HSD3B1: variants seen among roughly 807,000 people sequenced by gnomAD.
HSD3B1 encodes the protein hydroxy-delta-5-steroid dehydrogenase, 3 beta- and steroid delta-isomerase 1, also known as 3 beta-hydroxysteroid dehydrogenase/Delta 5-->4-isomerase type 1.
In HSD3B1, 11 loss-of-function variants were observed where a neutral mutation model predicts 10.4. That is an observed-to-expected ratio of 1.05 (90% CI 0.66 to 1.75). The LOEUF (loss-of-function observed/expected upper bound fraction) is 1.75. Ranked by LOEUF, HSD3B1 falls within the 40% of genes most tolerant of loss-of-function variation. HSD3B1 has a pLI of 0.00. For synonymous variants in HSD3B1, 217 were observed against 185.4 expected, an observed-to-expected ratio of 1.17 and a Z score of -1.39; for missense variants, 490 against 454.5, an observed-to-expected ratio of 1.08 and a Z score of -0.71.
intron 3 of HSD3B1, among the ~76,000 whole-genome samples, chr1:119,512,497 C>G (rs587653652): frequency 1.3e-5 from 2 of 152,104 alleles, no homozygotes; most frequent in Non-Finnish European, 2.9e-5. Context: ...GCACCCCAAA[C>G]CCCGGCCTGG....
At chr1:119,511,474 T>C in intron 2 of HSD3B1, 29 bp from the exon 3 acceptor site, 1 of 1,612,556 alleles carries the variant, frequency 6.2e-7, no homozygotes, top group Admixed American at 1.7e-5. Flanking sequence ...ACAGAAATCA[T>C]TCCAATGACC....
chr1:119,507,712 A>C, intron 2 of HSD3B1, 91 bp downstream of exon 2: 1 of 1,359,828 alleles, frequency 7.4e-7, no homozygotes, highest in South Asian at 1.2e-5. Flanking sequence ...AGTTATTGAA[A>C]TTTGTAGCCA....
At position 119,514,091 on chromosome 1, in the gene HSD3B1, A is replaced by G. The variant is rs376256220; in HGVS notation, c.568A>G (p.Ile190Val). Residue 190 changes from isoleucine to valine, a missense_variant, in exon 4 of 4, where the codon ATC (isoleucine) becomes GTC (valine). Transcript: ENST00000369413. ...LYTCALRPMY[I>V]YGEGSRFLSA... ...CACTTGTGCCTTACGACCCATGTATATCTATGGGGAAGGAAGCCGATTCCT... is the reference window on the plus strand; with the variant it reads ...CACTTGTGCCTTACGACCCATGTATGTCTATGGGGAAGGAAGCCGATTCCT... 1.9e-6 allele frequency: 3 copies of G among 1,614,000 alleles called. No individual in the cohort carries two copies. The African/African-American group carries it at 4.0e-5, about 22-fold the overall frequency.
chr1:119,512,629 C>T (rs1653968995), intron 3 of HSD3B1, among the ~76,000 whole-genome samples: 1 of 152,020 alleles, frequency 6.6e-6, no homozygotes, highest in Admixed American at 6.6e-5. Flanking sequence ...CTTCTAAGTA[C>T]CCCTGCTGTG....
intron 2 of HSD3B1, among the ~76,000 whole-genome samples, chr1:119,509,914 G>A (rs921593005): frequency 1.3e-5 from 2 of 152,194 alleles, no homozygotes; most frequent in African/African-American, 4.8e-5. Context: ...TGCACCTGGT[G>A]TACAGGGTAC....
In HSD3B1 at chr1:119,514,453, C is replaced by T. The variant is rs1454844654; in HGVS notation, c.930C>T (p.Thr310=). 1 of 1,614,106 alleles carries T rather than the reference C, an allele frequency of 6.2e-7. No individual in the cohort carries two copies. The highest frequency in any genetic ancestry group is 1.1e-5 in the South Asian group (1 of 91,066). Residue 310 remains threonine (T), a synonymous_variant, in exon 4 of 4, where the codon ACC becomes ACT. Transcript: ENST00000369413. ...IVSFLLRPIY[T]YRPPFNRHIV... is the part of the protein sequence containing the mutation. ...GCTTCCTACTCAGGCCAATTTACAC[C>T]TATCGACCGCCCTTCAACCGCCACA...
rs755501620 is a variant in HSD3B1 at position 119,514,512 on chromosome 1, C to G, written c.989C>G (p.Ser330Cys). The change falls in exon 4 of 4, where the codon TCT becomes TGT. Residue 330 changes from serine to cysteine, a missense_variant. Transcript: ENST00000369413. ...VTLSNSVFTF[S>C]YKKAQRDLAY... ...TTGTCAAATAGCGTATTCACCTTCT[C>G]TTATAAGAAGGCTCAGCGAGATCTG... The G allele has an allele frequency of 8.1e-6, 13 of 1,614,068 alleles. No individual in the cohort carries two copies. In the Admixed American group the frequency reaches 2.2e-4, roughly 27 times the overall value.
intron 3 of HSD3B1, among the ~76,000 whole-genome samples, chr1:119,513,028 G>A (rs1480240742): frequency 1.3e-5 from 2 of 152,170 alleles, no homozygotes; most frequent in Non-Finnish European, 2.9e-5. Context: ...GAGGCTGCAA[G>A]GTCCTCCCAC....
chr1:119,512,945 A>G (rs587759178), intron 3 of HSD3B1, among the ~76,000 whole-genome samples: 5 of 152,334 alleles, frequency 3.3e-5, no homozygotes, highest in Admixed American at 2.0e-4. Context: ...TCCTTTCCCT[A>G]GGAAATTCCT....
rs145342984 is a variant in HSD3B1 at position 119,508,134 on chromosome 1, C to G, written c.145+513C>G. 17 of 150,774 alleles carry G rather than the reference C, an allele frequency of 1.1e-4. No individual in the cohort carries two copies. In the East Asian group the frequency reaches 2.5e-3, roughly 22 times the overall value. 9.3% of individuals were successfully genotyped at this position (150,774 alleles called of 1,614,324 possible). On this transcript the variant is annotated intron_variant, in intron 2 of 3. Coordinates refer to ENST00000369413, the MANE Select transcript of HSD3B1 (RefSeq NM_000862.3). ...TGAGTGTATAAGTGGGTGTGTGTGA[C>G]AGAGAGAGAGGAAAACAATAAGGGG...
rs1241928843 is a variant in HSD3B1, at chr1:119,514,417, G to A, written c.894G>A (p.Leu298=). The change falls in exon 4 of 4, where the codon CTG becomes CTA. Residue 298 remains leucine, a synonymous_variant. Transcript: ENST00000369413. ...TGATGTATTGGATTGGCTTCCTGCTGGAAATAGTGAGCTTCCTACTCAGGC... is the reference window on the plus strand; with the variant it reads ...TGATGTATTGGATTGGCTTCCTGCTAGAAATAGTGAGCTTCCTACTCAGGC... ...LSLMYWIGFL[L]EIVSFLLRPI... 1 of 1,614,158 alleles carries A rather than the reference G, an allele frequency of 6.2e-7. No homozygotes were observed. Among genetic ancestry groups the A allele is most frequent in the South Asian group, 1.1e-5 (1 of 91,086 alleles).
Position 119,514,601 on chromosome 1 carries a change from C to A in HSD3B1, c.1078C>A (p.Leu360Ile). 1.9e-6 allele frequency: 3 copies of A among 1,613,820 alleles called. No homozygotes were observed. Among genetic ancestry groups the A allele is most frequent in the Non-Finnish European group, 2.5e-6 (3 of 1,179,956 alleles). ...GAAAACGGTGGAGTGGGTTGGTTCC[C>A]TTGTGGACCGGCACAAGGAGACCCT... The part of the protein sequence containing the change: ...KQKTVEWVGS[L>I]VDRHKETLKS... The change falls in exon 4 of 4, where the codon CTT becomes ATT. Residue 360 changes from leucine to isoleucine, a missense_variant. By Grantham distance (5) the Leu-to-Ile change is conservative (BLOSUM62 2). Coordinates refer to ENST00000369413, the MANE Select transcript of HSD3B1 (RefSeq NM_000862.3).
intron 2 of HSD3B1, among the ~76,000 whole-genome samples, chr1:119,508,213 T>C (rs902073592): frequency 7.0e-6 from 1 of 143,220 alleles, no homozygotes; most frequent in East Asian, 2.0e-4. Flanking sequence ...AGAGAGACAA[T>C]GAGAAAGACA....
chr1:119,507,450 G>A lies in HSD3B1; in HGVS notation c.-27G>A. 1.9e-6 allele frequency: 3 copies of A among 1,612,922 alleles called. No individual in the cohort carries two copies. The highest frequency in any genetic ancestry group is 2.5e-6 in the Non-Finnish European group (3 of 1,179,698). ...TCCCCAGCATCTTCTGTTTCCTGGT[G>A]AGTGATTCCTGCTACTTTGGATGGC... On this transcript the variant is annotated 5_prime_UTR_variant, in exon 2 of 4. Coordinates refer to ENST00000369413, the MANE Select transcript of HSD3B1 (RefSeq NM_000862.3).
At chr1:119,508,466 C>T (rs587656432) in intron 2 of HSD3B1, among the ~76,000 whole-genome samples, 6 of 152,168 alleles carry the variant, frequency 3.9e-5, no homozygotes, top group Non-Finnish European at 8.8e-5. Flanking sequence ...CAAATGGCCC[C>T]AAGAGGCAGG....
chr1:119,513,668 T>C (rs1654009651), intron 3 of HSD3B1, among the ~76,000 whole-genome samples, 166 bp from the exon 4 acceptor site: 1 of 152,182 alleles, frequency 6.6e-6, no homozygotes, highest in Non-Finnish European at 1.5e-5. Context: ...ATTTTTCTTA[T>C]GGCTGTAGTA....
At chr1:119,510,609 T>G (rs1270102964) in intron 2 of HSD3B1, among the ~76,000 whole-genome samples, 1 of 151,910 alleles carries the variant, frequency 6.6e-6, no homozygotes, top group Non-Finnish European at 1.5e-5. Flanking sequence ...ATCATCAGTC[T>G]TTCTCAAATC....
Position 119,514,972 on chromosome 1 carries a change from A to C in HSD3B1, c.*327A>C. The C allele has an allele frequency of 3.3e-6, 1 of 303,020 alleles. No homozygotes were observed. Among genetic ancestry groups the C allele is most frequent in the Middle Eastern group, 9.9e-4 (1 of 1,010 alleles). 18.8% of individuals were successfully genotyped at this position (303,020 alleles called of 1,614,324 possible). On this transcript the variant is annotated 3_prime_UTR_variant, in exon 4 of 4. Transcript: ENST00000369413. ...ACTAGAGCTCCATTTCTACTCTTAAATGAGAAAGGATTTCCTTTCTTTTTA... is the reference window on the plus strand; with the variant it reads ...ACTAGAGCTCCATTTCTACTCTTAACTGAGAAAGGATTTCCTTTCTTTTTA...
In HSD3B1 at chr1:119,514,458, G is replaced by A. The variant is rs747501093; in HGVS notation, c.935G>A (p.Arg312Gln). The A allele has an allele frequency of 1.1e-5, 17 of 1,613,824 alleles. No individual in the cohort carries two copies. Among genetic ancestry groups the A allele is most frequent in the East Asian group, 6.7e-5 (3 of 44,868 alleles). Residue 312 changes from arginine to glutamine, a missense_variant, in exon 4 of 4, where the codon CGA becomes CAA. Arg to Gln is a conservative substitution (Grantham distance 43, BLOSUM62 1). Coordinates refer to ENST00000369413, the MANE Select transcript of HSD3B1 (RefSeq NM_000862.3). ...SFLLRPIYTYRPPFNRHIVTL... is the reference protein window; with the variant it reads ...SFLLRPIYTYQPPFNRHIVTL... ...CTACTCAGGCCAATTTACACCTATC[G>A]ACCGCCCTTCAACCGCCACATAGTC...
Sources: gnomAD v4.1 joint callset for allele counts (sites outside exome capture counted in the v4.1 genomes callset) on GRCh38, gnomAD v4.1.1 for gene constraint, MANE v1.5 for transcripts, NCBI Gene and HGNC (gene_info 2026-07-23, HGNC 2026-07-21) for gene names.